The following TUBB2B variants were observed in gnomAD, a reference collection of about 807,000 sequenced individuals.
TUBB2B encodes the protein tubulin beta 2B class IIb.
Under a neutral mutation model 35.0 loss-of-function variants are expected in TUBB2B, and 5 were observed. The observed-to-expected ratio is 0.14, with a 90% confidence interval of 0.07 to 0.30. The LOEUF (loss-of-function observed/expected upper bound fraction) is 0.30. Ranked by LOEUF, TUBB2B falls within the 10% of genes least tolerant of loss-of-function variation. The pLI, the probability that TUBB2B is intolerant of heterozygous loss-of-function variation, is 1.00. For missense variants in TUBB2B, 63 were observed against 601.8 expected, an observed-to-expected ratio of 0.10 and a Z score of 9.37; for synonymous variants, 166 against 250.5, an observed-to-expected ratio of 0.66 and a Z score of 3.18.
At position 3,225,321 on chromosome 6, in the gene TUBB2B, G is replaced by A; in HGVS notation, c.768C>T (p.Asn256=). The A allele has an allele frequency of 6.3e-7, 1 of 1,582,808 alleles. No individual in the cohort carries two copies. Among genetic ancestry groups the A allele is most frequent in the Non-Finnish European group, 8.5e-7 (1 of 1,170,226 alleles). ...LNADLRKLAV[N]MVPFPRLHFF... ...AGTGCAGGCGAGGGAAGGGCACCAT[G>A]TTCACCGCCAGCTTGCGCAGGTCTG... Residue 256 remains asparagine (N), a synonymous_variant, in exon 4 of 4, where the codon AAC becomes AAT. Transcript: ENST00000259818.
Position 3,226,638 on chromosome 6 carries a change from A to G in TUBB2B, c.89T>C (p.Ile30Thr), listed in dbSNP as rs769803437. ...TCCATGGTAACTGCCAGTGGGGTCA[A>G]TCCCATGCTCATCACTGATGACCTC... ...FWEVISDEHG[I>T]DPTGSYHGDS... The change falls in exon 2 of 4, where the codon ATT becomes ACT. Residue 30 changes from isoleucine (I) to threonine (T), a missense_variant. Around this residue, in one of 4 missense-constraint regions of TUBB2B, gnomAD observed 25 missense variants for 120.4 expected, o/e 0.21. Coordinates refer to ENST00000259818, the MANE Select transcript of TUBB2B (RefSeq NM_178012.5). The surrounding 1 kb of genome is among the most constrained non-coding windows in gnomAD (Gnocchi z 5.5). The G allele has an allele frequency of 6.2e-7, 1 of 1,614,194 alleles. No individual in the cohort carries two copies. The highest frequency in any genetic ancestry group is 8.5e-7 in the Non-Finnish European group (1 of 1,180,034).
rs77080864 is a variant in TUBB2B, at chr6:3,224,591, A to G, written c.*160T>C. ...GATGTCATCAATATTACAAAAAAGG[A>G]AAAAAAAAGTGACAGGCAACAGTGA... On this transcript the variant is annotated 3_prime_UTR_variant, in exon 4 of 4. Transcript: ENST00000259818. 2 of 6,714 alleles carry G rather than the reference A, an allele frequency of 3.0e-4. No homozygotes were observed. The highest frequency in any genetic ancestry group is 1.0e-3 in the Non-Finnish European group (2 of 1,934). 0.4% of individuals were successfully genotyped at this position (6,714 alleles called of 1,614,324 possible). A position where few individuals can be genotyped will look rare whatever the true frequency, so the allele number is the denominator to read the frequency against.
Position 3,225,961 on chromosome 6 carries a change from G to A in TUBB2B, c.278-150C>T, listed in dbSNP as rs182470182. The A allele has an allele frequency of 6.2e-6, 9 of 1,458,356 alleles. 1 individual carries two copies. The Admixed American group carries it at 1.6e-4, about 26-fold the overall frequency. The allele number at this position is 1,458,356 out of a possible 1,614,324, so 90.3% of individuals were successfully genotyped here. A position where few individuals can be genotyped will look rare whatever the true frequency, so the allele number is the denominator to read the frequency against. On this transcript the variant is annotated intron_variant, in intron 3 of 3. Coordinates refer to ENST00000259818, the MANE Select transcript of TUBB2B (RefSeq NM_178012.5). ...GCCAAACGTTAAAATATTTGTTCAT[G>A]AATATAATTATAAATAAGGAAGGCC...
Position 3,226,517 on chromosome 6 carries a change from G to A in TUBB2B, c.166+44C>T, listed in dbSNP as rs567240078. The A allele has an allele frequency of 3.8e-6, 6 of 1,565,344 alleles. No individual in the cohort carries two copies. The highest frequency in any genetic ancestry group is 1.7e-4 in the Middle Eastern group (1 of 5,906). ...GTCCCACGCAAGGGAAAGGGGAGAA[G>A]GTGGAAAAACTGAAGGGAGTGGGGG... On this transcript the variant is annotated intron_variant, in intron 2 of 3. Transcript: ENST00000259818. The surrounding 1 kb of genome is among the most constrained non-coding windows in gnomAD (Gnocchi z 5.5).
In TUBB2B at chr6:3,226,612, C is replaced by G; in HGVS notation, c.115G>C (p.Asp39His). 1.2e-6 allele frequency: 2 copies of G among 1,614,210 alleles called. No individual in the cohort carries two copies. The highest frequency in any genetic ancestry group is 1.7e-6 in the Non-Finnish European group (2 of 1,180,048). ...GIDPTGSYHGDSDLQLERINV... is the reference protein window; with the variant it reads ...GIDPTGSYHGHSDLQLERINV... ...ATTCTCTCCAGCTGCAAATCACTGT[C>G]TCCATGGTAACTGCCAGTGGGGTCA... The change falls in exon 2 of 4, where the codon GAC becomes CAC. Residue 39 changes from aspartate (D) to histidine (H), a missense_variant. Transcript: ENST00000259818. The surrounding 1 kb of genome is among the most constrained non-coding windows in gnomAD (Gnocchi z 5.5).
rs1757302363 is a variant in TUBB2B, at chr6:3,227,395, C to T, written c.57+92G>A. On this transcript the variant is annotated intron_variant, in intron 1 of 3. Transcript: ENST00000259818. This position sits in a 1 kb window ranked among gnomAD's most constrained non-coding sequence, Gnocchi z 7.8. ...AGGAAGGTCTGCATTTGGCGATCCC[C>T]AGGCCTTCCCAGGACCGCGCCTGGG... is the stretch of plus-strand genomic sequence containing the variant. 1.9e-6 allele frequency: 3 copies of T among 1,539,246 alleles called. No homozygotes were observed. The South Asian group carries it at 3.4e-5, about 18-fold the overall frequency.
Position 3,226,135 on chromosome 6 carries a change from C to A in TUBB2B, c.277+24G>T. On this transcript the variant is annotated intron_variant, in intron 3 of 3. Transcript: ENST00000259818. The surrounding 1 kb of genome is among the most constrained non-coding windows in gnomAD (Gnocchi z 5.5). ...CCCAGCGTAAAATGAATCCCTCATG[C>A]TCTCAGCCACACCAGGCACTCACCA... The A allele has an allele frequency of 6.3e-7, 1 of 1,597,744 alleles. No individual in the cohort carries two copies. Among genetic ancestry groups the A allele is most frequent in the Middle Eastern group, 1.8e-4 (1 of 5,540 alleles).
Position 3,227,470 on chromosome 6 carries a change from C to A in TUBB2B, c.57+17G>T. The A allele has an allele frequency of 6.2e-7, 1 of 1,606,044 alleles. No homozygotes were observed. Among genetic ancestry groups the A allele is most frequent in the Non-Finnish European group, 8.5e-7 (1 of 1,179,610 alleles). On this transcript the variant is annotated intron_variant, in intron 1 of 3. Coordinates refer to ENST00000259818, the MANE Select transcript of TUBB2B (RefSeq NM_178012.5). This position sits in a 1 kb window ranked among gnomAD's most constrained non-coding sequence, Gnocchi z 7.8. The stretch of plus-strand genomic sequence containing the variant: ...GTTCGCGCCCCCATTGGACCCCCTC[C>A]GCTGCGGCGCGCCCACCTTGGCGCC...
At position 3,226,882 on chromosome 6, in the gene TUBB2B, CG is replaced by C. The variant is rs1163892700; in HGVS notation, c.58-214del. ...TTCCCAGGCAAACAGCTGCCGCTCG[CG>C]GGGGGAGGTAGGGGTCGAGGGGGTA... is the stretch of plus-strand genomic sequence containing the variant. On this transcript the variant is annotated intron_variant, in intron 1 of 3. Transcript: ENST00000259818. This position sits in a 1 kb window ranked among gnomAD's most constrained non-coding sequence, Gnocchi z 5.5. Among the ~76,000 whole-genome samples, 1 of 151,944 alleles carries C rather than the reference CG, an allele frequency of 6.6e-6. No individual in the cohort carries two copies. The highest frequency in any genetic ancestry group is 2.4e-5 in the African/African-American group (1 of 41,376).
In TUBB2B at chr6:3,227,010, G is replaced by A. The variant is rs905648057; in HGVS notation, c.58-341C>T. 6.6e-6 allele frequency among the ~76,000 whole-genome samples: 1 copy of A among 152,184 alleles called. No individual in the cohort carries two copies. Among genetic ancestry groups the A allele is most frequent in the African/African-American group, 2.4e-5 (1 of 41,458 alleles). On this transcript the variant is annotated intron_variant, in intron 1 of 3. Coordinates refer to ENST00000259818, the MANE Select transcript of TUBB2B (RefSeq NM_178012.5). This position sits in a 1 kb window ranked among gnomAD's most constrained non-coding sequence, Gnocchi z 7.8. The stretch of plus-strand genomic sequence containing the variant: ...ACAGGGACTGCAGCCCGCCAGGAGC[G>A]GGTGGGCGGGGAAAGAGGAACGCAA...
Position 3,227,438 on chromosome 6 carries a change from G to C in TUBB2B, c.57+49C>G. On this transcript the variant is annotated intron_variant, in intron 1 of 3. Coordinates refer to ENST00000259818, the MANE Select transcript of TUBB2B (RefSeq NM_178012.5). This position sits in a 1 kb window ranked among gnomAD's most constrained non-coding sequence, Gnocchi z 7.8. ...CGCCTGGGGACCCCGAGGGGCTCTC[G>C]GCCCAGGTTCGCGCCCCCATTGGAC... is the stretch of plus-strand genomic sequence containing the variant. 1 of 1,598,278 alleles carries C rather than the reference G, an allele frequency of 6.3e-7. No individual in the cohort carries two copies. The highest frequency in any genetic ancestry group is 1.1e-5 in the South Asian group (1 of 90,734).
At position 3,226,235 on chromosome 6, in the gene TUBB2B, A is replaced by G; in HGVS notation, c.201T>C (p.Asp67=). 1 of 1,614,074 alleles carries G rather than the reference A, an allele frequency of 6.2e-7. No homozygotes were observed. Among genetic ancestry groups the G allele is most frequent in the East Asian group, 2.2e-5 (1 of 44,886 alleles). The change falls in exon 3 of 4, where the codon GAT becomes GAC. Residue 67 remains aspartate, a synonymous_variant. Transcript: ENST00000259818. This position sits in a 1 kb window ranked among gnomAD's most constrained non-coding sequence, Gnocchi z 5.5. The stretch of plus-strand genomic sequence containing the variant: ...CCGAATCCATCGTGCCTGGCTCCAG[A>G]TCCACGAGGATGGCCCGAGGAACAT... ...NKYVPRAILV[D]LEPGTMDSVR... is the part of the protein sequence containing the mutation.
In TUBB2B at chr6:3,227,154, G is replaced by C. The variant is rs1757298334; in HGVS notation, c.57+333C>G. On this transcript the variant is annotated intron_variant, in intron 1 of 3. Transcript: ENST00000259818. This position sits in a 1 kb window ranked among gnomAD's most constrained non-coding sequence, Gnocchi z 7.8. Reference sequence around the variant, plus strand: ...TCAAGCGAGTACAATTAATCCTCCTGGTGTCCCAGCCCCTCGCGCGGAGCG... The same window carrying C: ...TCAAGCGAGTACAATTAATCCTCCTCGTGTCCCAGCCCCTCGCGCGGAGCG... Among the ~76,000 whole-genome samples, 1 of 152,268 alleles carries C rather than the reference G, an allele frequency of 6.6e-6. No homozygotes were observed. The highest frequency in any genetic ancestry group is 6.5e-5 in the Admixed American group (1 of 15,310).
Position 3,227,561 on chromosome 6 carries a change from C to T in TUBB2B, c.-18G>A. 2 of 1,610,564 alleles carry T rather than the reference C, an allele frequency of 1.2e-6. No homozygotes were observed. The highest frequency in any genetic ancestry group is 2.2e-5 in the East Asian group (1 of 44,844). Reference sequence around the variant, plus strand: ...TCACGCATGGTGCCTCGTCAGCGTCCTCCTGGTCCGGCGGCGTCTGGGTCT... The same window carrying T: ...TCACGCATGGTGCCTCGTCAGCGTCTTCCTGGTCCGGCGGCGTCTGGGTCT... On this transcript the variant is annotated 5_prime_UTR_variant, in exon 1 of 4. Transcript: ENST00000259818. The surrounding 1 kb of genome is among the most constrained non-coding windows in gnomAD (Gnocchi z 7.8).
chr6:3,224,770 T>A lies in TUBB2B; in HGVS notation c.1319A>T (p.Glu440Val). ...GGGCATCTACGCCTCGTCCTCGCCC[T>A]CCTCCTCCTCGAACTCCCCTTGTTC... ...ADEQGEFEEE[E>V]GEDEA The change falls in exon 4 of 4, where the codon GAG becomes GTG. Residue 440 changes from glutamate to valine, a missense_variant. Transcript: ENST00000259818. 1 of 1,612,832 alleles carries A rather than the reference T, an allele frequency of 6.2e-7. No homozygotes were observed. Among genetic ancestry groups the A allele is most frequent in the Non-Finnish European group, 8.5e-7 (1 of 1,179,444 alleles).
chr6:3,226,418 A>T lies in TUBB2B; in HGVS notation c.166+143T>A. ...GGGCTCTGTTGGCATAAGGAAGCCC[A>T]ATGAAATACTGCAGGGAAAGAGCGG... On this transcript the variant is annotated intron_variant, in intron 2 of 3. Coordinates refer to ENST00000259818, the MANE Select transcript of TUBB2B (RefSeq NM_178012.5). This position sits in a 1 kb window ranked among gnomAD's most constrained non-coding sequence, Gnocchi z 5.5. 1 of 1,035,390 alleles carries T rather than the reference A, an allele frequency of 9.7e-7. No homozygotes were observed. 64.1% of individuals were successfully genotyped at this position (1,035,390 alleles called of 1,614,324 possible). A position where few individuals can be genotyped will look rare whatever the true frequency, so the allele number is the denominator to read the frequency against.
rs1265771921 is a variant in TUBB2B, at chr6:3,226,960, C to T, written c.58-291G>A. 1.3e-5 allele frequency among the ~76,000 whole-genome samples: 2 copies of T among 152,144 alleles called. No individual in the cohort carries two copies. The highest frequency in any genetic ancestry group is 2.9e-5 in the Non-Finnish European group (2 of 68,014). On this transcript the variant is annotated intron_variant, in intron 1 of 3. Transcript: ENST00000259818. The surrounding 1 kb of genome is among the most constrained non-coding windows in gnomAD (Gnocchi z 5.5). ...GGAGCTTGGCGCACTGGTCGCAGCCCCAGGCTGCGGCAGGAGGCGAGGGCA... is the reference window on the plus strand; with the variant it reads ...GGAGCTTGGCGCACTGGTCGCAGCCTCAGGCTGCGGCAGGAGGCGAGGGCA...
In TUBB2B at chr6:3,227,645, C is replaced by A. The variant is rs1581527033; in HGVS notation, c.-102G>T. On this transcript the variant is annotated 5_prime_UTR_variant, in exon 1 of 4. Coordinates refer to ENST00000259818, the MANE Select transcript of TUBB2B (RefSeq NM_178012.5). This position sits in a 1 kb window ranked among gnomAD's most constrained non-coding sequence, Gnocchi z 7.8. The stretch of plus-strand genomic sequence containing the variant: ...CACCGGGAAGGCGCTCGGGAACCGA[C>A]GGGCTGAGAGCGCCGGCCCCGCGGG... The A allele has an allele frequency of 1.3e-6, 2 of 1,519,592 alleles. No individual in the cohort carries two copies. Among genetic ancestry groups the A allele is most frequent in the African/African-American group, 1.4e-5 (1 of 72,442 alleles). The allele number at this position is 1,519,592 out of a possible 1,614,324, so 94.1% of individuals were successfully genotyped here.
In TUBB2B at chr6:3,226,957, GC is replaced by G. The variant is rs1193256704; in HGVS notation, c.58-289del. On this transcript the variant is annotated intron_variant, in intron 1 of 3. Coordinates refer to ENST00000259818, the MANE Select transcript of TUBB2B (RefSeq NM_178012.5). The surrounding 1 kb of genome is among the most constrained non-coding windows in gnomAD (Gnocchi z 5.5). ...GGCGGAGCTTGGCGCACTGGTCGCAGCCCCAGGCTGCGGCAGGAGGCGAGGG... is the reference window on the plus strand; with the variant it reads ...GGCGGAGCTTGGCGCACTGGTCGCAGCCCAGGCTGCGGCAGGAGGCGAGGG... Among the ~76,000 whole-genome samples the G allele has an allele frequency of 7.9e-5, 12 of 152,192 alleles. No homozygotes were observed. Among genetic ancestry groups the G allele is most frequent in the Non-Finnish European group, 1.8e-4 (12 of 68,038 alleles).
Sources: allele counts gnomAD v4.1 joint callset (sites outside exome capture counted in the v4.1 genomes callset), GRCh38; gene constraint gnomAD v4.1.1; regional missense constraint gnomAD v4.1.1; non-coding constraint Gnocchi (gnomAD v3.1); transcripts MANE v1.5; gene names NCBI Gene and HGNC (gene_info 2026-07-23, HGNC 2026-07-21).